The following NME7 variants were observed in gnomAD, a reference collection of about 807,000 sequenced individuals.
The protein encoded by NME7 is nucleoside diphosphate kinase 7.
A neutral mutation model predicts 49.1 loss-of-function variants in NME7; 41 were observed. The ratio of observed to expected loss-of-function variants is 0.83; its 90% CI spans 0.65 to 1.08. The LOEUF (loss-of-function observed/expected upper bound fraction) is 1.08, where lower values mean the gene tolerates loss of function less well. NME7 is among the 50% of genes least tolerant of loss of function. NME7 has a pLI of 0.00. For missense variants in NME7, 423 were observed against 463.4 expected (o/e 0.91, Z 0.80); for synonymous variants, 139 against 150.6 (o/e 0.92, Z 0.56).
intron 10 of NME7, among the ~76,000 whole-genome samples, chr1:169,219,065 C>A (rs1661063291): frequency 6.6e-6 from 1 of 152,066 alleles, no homozygotes; most frequent in Non-Finnish European, 1.5e-5. Context: ...TCCTTCTTTG[C>A]CAAGCCAAAT....
At chr1:169,293,701 G>C (rs1263712233) in intron 6 of NME7, among the ~76,000 whole-genome samples, 1 of 152,016 alleles carries the variant, frequency 6.6e-6, no homozygotes, top group Admixed American at 6.6e-5. Flanking sequence ...TGTTTCATAA[G>C]TTTGTTAAAC....
chr1:169,169,387 ACTC>A, intron 11 of NME7, 57 bp downstream of exon 11: 1 of 1,448,776 alleles, frequency 6.9e-7, no homozygotes, highest in Non-Finnish European at 9.6e-7. Flanking sequence ...ACACATCAGA[ACTC>A]CTGAGATAAT....
At chr1:169,215,174 C>G (rs1660942031) in intron 10 of NME7, among the ~76,000 whole-genome samples, 1 of 152,002 alleles carries the variant, frequency 6.6e-6, no homozygotes, top group Non-Finnish European at 1.5e-5. Context: ...GGTTGCCTCT[C>G]TCCCTCTCTC....
chr1:169,254,925 G>C (rs1262360133), intron 7 of NME7, among the ~76,000 whole-genome samples: 1 of 131,710 alleles, frequency 7.6e-6, no homozygotes, highest in African/African-American at 2.6e-5. Flanking sequence ...TGTGGTGTGA[G>C]AGATAGTTTG....
intron 6 of NME7, among the ~76,000 whole-genome samples, chr1:169,289,754 GAATA>G (rs1270723671): frequency 1.3e-5 from 2 of 151,994 alleles, no homozygotes; most frequent in African/African-American, 4.8e-5. Flanking sequence ...TACCTATGCT[GAATA>G]AATATTTATT....
intron 1 of NME7, among the ~76,000 whole-genome samples, chr1:169,341,678 G>A (rs1175702887): frequency 6.6e-6 from 1 of 152,202 alleles, no homozygotes; most frequent in African/African-American, 2.4e-5. Flanking sequence ...GGAAGGAGCT[G>A]CCAATGCCCT....
At chr1:169,281,650 T>A (rs540737152) in intron 7 of NME7, among the ~76,000 whole-genome samples, 1 of 152,218 alleles carries the variant, frequency 6.6e-6, no homozygotes, top group African/African-American at 2.4e-5. Flanking sequence ...TTATTGAGAG[T>A]TTTTAGCATG....
intron 7 of NME7, among the ~76,000 whole-genome samples, chr1:169,244,023 C>CACTTAAAT (rs1553249556): frequency 2.6e-5 from 4 of 151,132 alleles, no homozygotes; most frequent in Non-Finnish European, 5.9e-5. Flanking sequence ...GTATGTACCT[C>CACTTAAAT]AATTAAATAA....
intron 2 of NME7, 124 bp downstream of exon 2, chr1:169,324,269 T>C (rs940773587): frequency 6.1e-6 from 3 of 489,756 alleles, no homozygotes; most frequent in African/African-American, 2.0e-5. Flanking sequence ...AAAAAGAATT[T>C]CCATATGTAT....
chr1:169,301,783 T>C (rs1391953667), intron 5 of NME7, among the ~76,000 whole-genome samples: 1 of 152,088 alleles, frequency 6.6e-6, no homozygotes, highest in Non-Finnish European at 1.5e-5. Context: ...ATGGACACAA[T>C]TGGAGGCCAT....
intron 7 of NME7, chr1:169,286,952 T>G (rs1571357302): frequency 1.6e-5 from 1 of 63,922 alleles, no homozygotes; most frequent in Non-Finnish European, 2.8e-5. Flanking sequence ...AGACTCTGTC[T>G]CAAAAAAAAA....
In NME7 at chr1:169,169,562, A is replaced by C; in HGVS notation, c.991-8T>G. 6.2e-7 allele frequency: 1 copy of C among 1,604,938 alleles called. No homozygotes were observed. The highest frequency in any genetic ancestry group is 8.5e-7 in the Non-Finnish European group (1 of 1,171,846). ...TAAATGCCGGGCAATTTCCTATTAA[A>C]CATACATTCACATATAGATTAATGT... On this transcript the variant is annotated splice_region_variant and splice_polypyrimidine_tract_variant and intron_variant, in intron 10 of 11. Coordinates refer to ENST00000367811, the MANE Select transcript of NME7 (RefSeq NM_013330.5).
At chr1:169,329,814 G>T (rs1652190686) in intron 1 of NME7, among the ~76,000 whole-genome samples, 1 of 152,000 alleles carries the variant, frequency 6.6e-6, no homozygotes, top group Non-Finnish European at 1.5e-5. Flanking sequence ...CCTAGAGAAA[G>T]ATATCAATAT....
chr1:169,280,362 T>C (rs1397528137), intron 7 of NME7, among the ~76,000 whole-genome samples: 1 of 152,186 alleles, frequency 6.6e-6, no homozygotes, highest in African/African-American at 2.4e-5. Flanking sequence ...ATTAGCCCTT[T>C]GTCAGATGGA....
rs33970981 is a variant in NME7, at chr1:169,323,835, CTTTTTTTTTTT to C, written c.111+547_112-553del. 4.7e-5 allele frequency among the ~76,000 whole-genome samples: 4 copies of C among 84,292 alleles called. No individual in the cohort carries two copies. In the South Asian group the frequency reaches 1.4e-3, roughly 30 times the overall value. The allele number at this position is 84,292 out of a possible 152,430, so 55.3% of individuals were successfully genotyped here. ...AAAACATGAATAATCCCATTTCAGT[CTTTTTTTTTTT>C]TTTTTTTTTTTTTTTGAGACAAGAG... On this transcript the variant is annotated intron_variant, in intron 2 of 11. Transcript: ENST00000367811.
At position 169,306,594 on chromosome 1, in the gene NME7, G is replaced by C. The variant is rs185520475; in HGVS notation, c.389+3376C>G. Among the ~76,000 whole-genome samples, 1,049 of 152,254 alleles carry C rather than the reference G, an allele frequency of 6.9e-3. 15 individuals carry two copies. The highest frequency in any genetic ancestry group is 0.024 in the African/African-American group (987 of 41,562). ...ATGGGGGAGCAGCAAGATGAATCTA[G>C]GATCACTTTCAGATTGACAGTTGCA... On this transcript the variant is annotated intron_variant, in intron 4 of 11. Coordinates refer to ENST00000367811, the MANE Select transcript of NME7 (RefSeq NM_013330.5).
chr1:169,144,876 C>G (rs1455440335), intron 11 of NME7, among the ~76,000 whole-genome samples: 1 of 152,036 alleles, frequency 6.6e-6, no homozygotes, highest in East Asian at 1.9e-4. Flanking sequence ...ATTGCATTAG[C>G]CTAAGGTATC....
At chr1:169,188,487 C>T (rs1047646883) in intron 10 of NME7, among the ~76,000 whole-genome samples, 1 of 152,156 alleles carries the variant, frequency 6.6e-6, no homozygotes, top group Non-Finnish European at 1.5e-5. Flanking sequence ...GGTATCCATC[C>T]ATTCAATTGA....
At chr1:169,367,021 C>T (rs1980198) in intron 1 of NME7, among the ~76,000 whole-genome samples, 81,043 of 151,834 alleles carry the variant, frequency 0.53, 22,449 homozygotes, top group Non-Finnish European at 0.6. Context: ...ATTAAAATAA[C>T]CTATAGGCTT....
Sources: gnomAD v4.1 joint callset for allele counts (sites outside exome capture counted in the v4.1 genomes callset) on GRCh38, gnomAD v4.1.1 for gene constraint, MANE v1.5 for transcripts, NCBI Gene and HGNC (gene_info 2026-07-23, HGNC 2026-07-21) for gene names.